THEMIS2: variants seen among roughly 807,000 people sequenced by gnomAD.
The protein encoded by THEMIS2 is protein THEMIS2.
THEMIS2 carries 29 observed loss-of-function variants against 46.8 expected under a neutral mutation model. The ratio of observed to expected loss-of-function variants is 0.62; its 90% CI spans 0.46 to 0.84. The LOEUF (loss-of-function observed/expected upper bound fraction) is 0.84. Among genes scored for constraint, THEMIS2 ranks in the 40% least tolerant of loss-of-function variants. The probability of loss-of-function intolerance (pLI) is 0.00; values close to 1 mark genes in which losing one functional copy is unlikely to be tolerated. For missense variants in THEMIS2, 698 were observed against 834.7 expected (o/e 0.84, Z 2.02); for synonymous variants, 335 against 349.1 (o/e 0.96, Z 0.45).
At chr1:27,878,858 G>T (rs1195537922) in intron 2 of THEMIS2, among the ~76,000 whole-genome samples, 1 of 152,114 alleles carries the variant, frequency 6.6e-6, no homozygotes, top group East Asian at 1.9e-4. Context: ...TCCAGTCCTA[G>T]ATCACACATC....
In THEMIS2 at chr1:27,882,398, G is replaced by C. The variant is rs11247704; in HGVS notation, c.1074G>C (p.Glu358Asp). ...TGGCCACAAAGGACTGTGAGGGCGA[G>C]AGGGAGGAGAATCCCGAGTTCACGT... is the stretch of plus-strand genomic sequence containing the variant. ...RVVATKDCEGEREENPEFTSL... is the reference protein window; with the variant it reads ...RVVATKDCEGDREENPEFTSL... Residue 358 changes from glutamate (E) to aspartate (D), a missense_variant, in exon 4 of 6, where the codon GAG (glutamate) becomes GAC (aspartate). Physicochemically the swap from Glu to Asp is conservative, Grantham distance 45. Coordinates refer to ENST00000373921, the MANE Select transcript of THEMIS2 (RefSeq NM_001105556.3). The surrounding 1 kb of genome is among the most constrained non-coding windows in gnomAD (Gnocchi z 7.6). 2 of 1,608,726 alleles carry C rather than the reference G, an allele frequency of 1.2e-6. No individual in the cohort carries two copies. Among genetic ancestry groups the C allele is most frequent in the African/African-American group, 1.3e-5 (1 of 74,890 alleles).
chr1:27,874,033 G>GTTTTTTGTTTT (rs1553123142), intron 1 of THEMIS2, among the ~76,000 whole-genome samples: 2 of 97,164 alleles, frequency 2.1e-5, no homozygotes, highest in Admixed American at 1.2e-4. Flanking sequence ...TTCAACCTAG[G>GTTTTTTGTTTT]TTTTTTTTTT....
chr1:27,881,884 C>A, intron 3 of THEMIS2, 87 bp from the exon 4 acceptor site: 4 of 1,087,764 alleles, frequency 3.7e-6, no homozygotes, highest in Non-Finnish European at 5.2e-6. Flanking sequence ...GGGAGGGAGG[C>A]CAGCCGGCCC....
chr1:27,876,460 C>A, intron 1 of THEMIS2, 128 bp from the exon 2 acceptor site: 2 of 1,184,544 alleles, frequency 1.7e-6, no homozygotes, highest in Non-Finnish European at 2.4e-6. Flanking sequence ...AACGACAGAG[C>A]AGGGCATGCC....
intron 4 of THEMIS2, 22 bp downstream of exon 4, chr1:27,883,065 G>T: frequency 1.3e-6 from 2 of 1,583,730 alleles, no homozygotes; most frequent in Non-Finnish European, 1.7e-6. Flanking sequence ...ATCCCAGAGG[G>T]CACGGAGGGG....
At chr1:27,875,710 T>A (rs1032288574) in intron 1 of THEMIS2, among the ~76,000 whole-genome samples, 1 of 151,448 alleles carries the variant, frequency 6.6e-6, no homozygotes, top group African/African-American at 2.4e-5. Flanking sequence ...TATTTATTAT[T>A]TTTTTTTTGA....
chr1:27,882,740 C>A lies in THEMIS2; in HGVS notation c.1416C>A (p.Phe472Leu). 6.2e-7 allele frequency: 1 copy of A among 1,613,886 alleles called. No homozygotes were observed. The highest frequency in any genetic ancestry group is 1.1e-5 in the South Asian group (1 of 91,042). Residue 472 changes from phenylalanine to leucine, a missense_variant, in exon 4 of 6, where the codon TTC becomes TTA. Physicochemically the swap from Phe to Leu is conservative, Grantham distance 22. Transcript: ENST00000373921. The surrounding 1 kb of genome is among the most constrained non-coding windows in gnomAD (Gnocchi z 7.6). The stretch of plus-strand genomic sequence containing the variant: ...ACCCCACTGACCCTCTGACCTCCTT[C>A]CTGGGCCTGCGGCTGGAGGAGAAGA... The part of the protein sequence containing the change: ...TSHPTDPLTS[F>L]LGLRLEEKIT...
intron 2 of THEMIS2, among the ~76,000 whole-genome samples, chr1:27,878,622 ACC>A (rs2089628357): frequency 6.6e-6 from 1 of 151,422 alleles, no homozygotes; most frequent in Non-Finnish European, 1.5e-5. Context: ...TTTTTTCTGA[ACC>A]ATTTGAGAGT....
Position 27,886,040 on chromosome 1 carries a change from G to GAGTA in THEMIS2, c.*119_*122dup, listed in dbSNP as rs111340118. On this transcript the variant is annotated 3_prime_UTR_variant, in exon 6 of 6. Transcript: ENST00000373921. ...TCACAGAAACTGAGCTGCAGACGGG[G>GAGTA]AGTAGCTTTGTGGAAACTGATTTGA... The GAGTA allele has an allele frequency of 2.1e-5, 19 of 916,418 alleles. No homozygotes were observed. The highest frequency in any genetic ancestry group is 8.3e-5 in the African/African-American group (5 of 60,110). 56.8% of individuals were successfully genotyped at this position (916,418 alleles called of 1,614,324 possible). A position where few individuals can be genotyped will look rare whatever the true frequency, so the allele number is the denominator to read the frequency against.
At position 27,882,139 on chromosome 1, in the gene THEMIS2, G is replaced by T. The variant is rs768514587; in HGVS notation, c.815G>T (p.Arg272Leu). The T allele has an allele frequency of 1.2e-6, 2 of 1,614,200 alleles. No individual in the cohort carries two copies. Among genetic ancestry groups the T allele is most frequent in the Middle Eastern group, 1.6e-4 (1 of 6,062 alleles). The change falls in exon 4 of 6, where the codon CGC (arginine) becomes CTC (leucine). Residue 272 changes from arginine (R) to leucine (L), a missense_variant. By Grantham distance (102) the Arg-to-Leu change is moderately radical. Coordinates refer to ENST00000373921, the MANE Select transcript of THEMIS2 (RefSeq NM_001105556.3). The surrounding 1 kb of genome is among the most constrained non-coding windows in gnomAD (Gnocchi z 7.6). ...SMEILEVPEG[R>L]PIFLSPWVGS... ...GAGATCCTGGAGGTTCCTGAGGGCC[G>T]CCCCATCTTCCTCAGCCCGTGGGTG...
chr1:27,880,926 C>T (rs544960567), intron 3 of THEMIS2, among the ~76,000 whole-genome samples: 25 of 151,826 alleles, frequency 1.6e-4, no homozygotes, highest in African/African-American at 6.0e-4. Context: ...TATAGGCGCC[C>T]GCCACCATGC....
At chr1:27,881,854 AAG>A (rs1433293472) in intron 3 of THEMIS2, 115 bp from the exon 4 acceptor site, 2 of 760,310 alleles carry the variant, frequency 2.6e-6, no homozygotes, top group Non-Finnish European at 4.1e-6. Flanking sequence ...AAAAAAAAAA[AAG>A]AAAGAAAAGA....
At chr1:27,884,503 T>G (rs1184605680) in intron 4 of THEMIS2, 2 of 152,300 alleles carry the variant, frequency 1.3e-5, no homozygotes, top group African/African-American at 4.8e-5. Flanking sequence ...ATGGCTGGAC[T>G]GAAACATCCG....
chr1:27,872,670 G>T lies in THEMIS2; in HGVS notation c.94+5G>T. ...GCTCGGGGGTCTACTTCGAGGGTGA[G>T]CGGGGGCTGGAACCCCTCCGAGCAC... On this transcript the variant is annotated splice_donor_5th_base_variant and intron_variant, in intron 1 of 5. Coordinates refer to ENST00000373921, the MANE Select transcript of THEMIS2 (RefSeq NM_001105556.3). This position sits in a 1 kb window ranked among gnomAD's most constrained non-coding sequence, Gnocchi z 4.9. 7.3e-7 allele frequency: 1 copy of T among 1,369,368 alleles called. No individual in the cohort carries two copies. 84.8% of individuals were successfully genotyped at this position (1,369,368 alleles called of 1,614,324 possible). A position where few individuals can be genotyped will look rare whatever the true frequency, so the allele number is the denominator to read the frequency against.
rs973189061 is a variant in THEMIS2 at position 27,885,992 on chromosome 1, C to T, written c.*70C>T. The T allele has an allele frequency of 7.4e-6, 11 of 1,485,554 alleles. No individual in the cohort carries two copies. The highest frequency in any genetic ancestry group is 2.3e-5 in the East Asian group (1 of 44,216). The allele number at this position is 1,485,554 out of a possible 1,614,324, so 92.0% of individuals were successfully genotyped here. The stretch of plus-strand genomic sequence containing the variant: ...CCGACACCAGCCAACCATTTTAAGC[C>T]TCTAAAAGACCTCGGGCAAGTCTCA... On this transcript the variant is annotated 3_prime_UTR_variant, in exon 6 of 6. Transcript: ENST00000373921.
Position 27,882,650 on chromosome 1 carries a change from G to A in THEMIS2, c.1326G>A (p.Leu442=). The A allele has an allele frequency of 6.2e-7, 1 of 1,614,190 alleles. No homozygotes were observed. Among genetic ancestry groups the A allele is most frequent in the Non-Finnish European group, 8.5e-7 (1 of 1,180,032 alleles). The change falls in exon 4 of 6, where the codon CTG becomes CTA. Residue 442 remains leucine, a synonymous_variant. Coordinates refer to ENST00000373921, the MANE Select transcript of THEMIS2 (RefSeq NM_001105556.3). The surrounding 1 kb of genome is among the most constrained non-coding windows in gnomAD (Gnocchi z 7.6). Reference sequence around the variant, plus strand: ...TGAGTGACAGCCGGCGCTACAGCCTGGCAGATCTGACTGCCCAGTTTTCAC... The same window carrying A: ...TGAGTGACAGCCGGCGCTACAGCCTAGCAGATCTGACTGCCCAGTTTTCAC... The part of the protein sequence containing the change: ...EEMSDSRRYS[L]ADLTAQFSLP...
At chr1:27,876,211 C>A (rs1373379306) in intron 1 of THEMIS2, among the ~76,000 whole-genome samples, 1 of 150,982 alleles carries the variant, frequency 6.6e-6, no homozygotes, top group East Asian at 2.0e-4. Flanking sequence ...GCTACAAAAT[C>A]AGGCTCAGAG....
chr1:27,873,567 G>C (rs1424378324), intron 1 of THEMIS2, among the ~76,000 whole-genome samples: 3 of 152,178 alleles, frequency 2.0e-5, no homozygotes, highest in Non-Finnish European at 4.4e-5. Context: ...CAGAGTGTTT[G>C]AGGTCCCAAG....
At position 27,882,656 on chromosome 1, in the gene THEMIS2, T is replaced by C. The variant is rs922617958; in HGVS notation, c.1332T>C (p.Asp444=). Residue 444 remains aspartate (D), a synonymous_variant, in exon 4 of 6, where the codon GAT becomes GAC. Coordinates refer to ENST00000373921, the MANE Select transcript of THEMIS2 (RefSeq NM_001105556.3). The surrounding 1 kb of genome is among the most constrained non-coding windows in gnomAD (Gnocchi z 7.6). ...ACAGCCGGCGCTACAGCCTGGCAGA[T>C]CTGACTGCCCAGTTTTCACTGCCTT... ...MSDSRRYSLA[D]LTAQFSLPCE... is the part of the protein sequence containing the mutation. The C allele has an allele frequency of 5.0e-6, 8 of 1,614,010 alleles. No individual in the cohort carries two copies. The African/African-American group carries it at 1.1e-4, about 22-fold the overall frequency.
Sources: allele counts gnomAD v4.1 joint callset (sites outside exome capture counted in the v4.1 genomes callset), GRCh38; gene constraint gnomAD v4.1.1; non-coding constraint Gnocchi (gnomAD v3.1); transcripts MANE v1.5; gene names NCBI Gene and HGNC (gene_info 2026-07-23, HGNC 2026-07-21).